The following NDUFS1 variants were observed in gnomAD, a reference collection of about 807,000 sequenced individuals.
The protein encoded by NDUFS1 is NADH-ubiquinone oxidoreductase 75 kDa subunit, mitochondrial.
In NDUFS1, 61 loss-of-function variants were observed where a neutral mutation model predicts 84.4. The ratio of observed to expected loss-of-function variants is 0.72; its 90% confidence interval spans 0.59 to 0.89. The LOEUF (loss-of-function observed/expected upper bound fraction) is 0.89, where lower values mean the gene tolerates loss of function less well. NDUFS1 is among the 40% of genes least tolerant of loss of function. The probability of loss-of-function intolerance (pLI) is 0.00; values close to 1 mark genes in which losing one functional copy is unlikely to be tolerated. For synonymous variants in NDUFS1, 275 were observed against 290.0 expected, an observed-to-expected ratio of 0.95 and a Z score of 0.53; for missense variants, 891 against 890.0, an observed-to-expected ratio of 1.00 and a Z score of -0.01.
chr2:206,116,101 G>A lies in NDUFS1; in HGVS notation c.*8084C>T. 5 of 1,262,352 alleles carry A rather than the reference G, an allele frequency of 4.0e-6. No homozygotes were observed. The Admixed American group carries it at 6.7e-5, about 17-fold the overall frequency. 78.2% of individuals were successfully genotyped at this position (1,262,352 alleles called of 1,614,324 possible). On this transcript the variant is annotated 3_prime_UTR_variant, in exon 19 of 19. Coordinates refer to ENST00000233190, the MANE Select transcript of NDUFS1 (RefSeq NM_005006.7). ...TTATTTCATACTAGCTTATTTAGTGGTTCCATTTTCACTCCTCAATAGATT... is the reference window on the plus strand; with the variant it reads ...TTATTTCATACTAGCTTATTTAGTGATTCCATTTTCACTCCTCAATAGATT...
chr2:206,148,859 T>C (rs946144340), intron 5 of NDUFS1, among the ~76,000 whole-genome samples, 161 bp downstream of exon 5: 19 of 152,172 alleles, frequency 1.2e-4, no homozygotes, highest in African/African-American at 4.1e-4. Context: ...GACTTCACCT[T>C]CTCTACTATG....
chr2:206,159,073 GGGAA>G (rs1470299941), intron 1 of NDUFS1: 2 of 1,535,360 alleles, frequency 1.3e-6, no homozygotes, highest in Non-Finnish European at 1.7e-6. Flanking sequence ...TCCCTGCAGA[GGGAA>G]GGTCACCTGC....
chr2:206,131,027 G>T (rs1025218045), intron 14 of NDUFS1, among the ~76,000 whole-genome samples: 1 of 152,114 alleles, frequency 6.6e-6, no homozygotes, highest in African/African-American at 2.4e-5. Context: ...ACTCTTATAA[G>T]CACAAAATAA....
intron 3 of NDUFS1, among the ~76,000 whole-genome samples, chr2:206,151,564 A>G (rs1389825721): frequency 6.6e-6 from 1 of 152,232 alleles, no homozygotes; most frequent in Non-Finnish European, 1.5e-5. Context: ...ACTGGCAGAT[A>G]GTCTAGAAAT....
intron 12 of NDUFS1, among the ~76,000 whole-genome samples, chr2:206,140,924 A>G (rs919314326): frequency 1.9e-4 from 18 of 95,410 alleles, no homozygotes; most frequent in South Asian, 3.3e-4. Context: ...TGTAGTGTGT[A>G]TATATATATA....
chr2:206,158,149 A>C (rs1047634125), intron 1 of NDUFS1, among the ~76,000 whole-genome samples: 2 of 151,866 alleles, frequency 1.3e-5, no homozygotes, highest in South Asian at 2.1e-4. Context: ...TTTTTAGTAG[A>C]GACAGGGTTT....
At position 206,150,067 on chromosome 2, in the gene NDUFS1, A is replaced by G. The variant is rs539781979; in HGVS notation, c.154-142T>C. ...TATCTATCTATCTTAATTCATTCTTATTTCAGTCCCTTTCTTTGCCTTTGA... is the reference window on the plus strand; with the variant it reads ...TATCTATCTATCTTAATTCATTCTTGTTTCAGTCCCTTTCTTTGCCTTTGA... On this transcript the variant is annotated intron_variant, in intron 3 of 18. Transcript: ENST00000233190. 1.9e-5 allele frequency: 10 copies of G among 533,086 alleles called. No individual in the cohort carries two copies. The African/African-American group carries it at 2.3e-4, about 12-fold the overall frequency. The allele number at this position is 533,086 out of a possible 1,614,324, so 33.0% of individuals were successfully genotyped here. A position where few individuals can be genotyped will look rare whatever the true frequency, so the allele number is the denominator to read the frequency against.
At chr2:206,152,372 T>TA in intron 3 of NDUFS1, 47 bp downstream of exon 3, 4 of 1,451,638 alleles carry the variant, frequency 2.8e-6, no homozygotes, top group African/African-American at 1.4e-5. Context: ...TTAGTATTTT[T>TA]AAAAAAATCA....
At chr2:206,142,633 C>T in intron 11 of NDUFS1, 53 bp downstream of exon 11, 1 of 1,607,320 alleles carries the variant, frequency 6.2e-7, no homozygotes, top group South Asian at 1.1e-5. Flanking sequence ...TTATACATAA[C>T]TTGTAACTAA....
Position 206,146,982 on chromosome 2 carries a change from C to T in NDUFS1, c.658G>A (p.Gly220Arg), listed in dbSNP as rs745378310. The T allele has an allele frequency of 6.2e-7, 1 of 1,613,946 alleles. No homozygotes were observed. Among genetic ancestry groups the T allele is most frequent in the African/African-American group, 1.3e-5 (1 of 74,912 alleles). ...IEKMFMSELSGNIIDICPVGA... is the reference protein window; with the variant it reads ...IEKMFMSELSRNIIDICPVGA... ...ACAGGGCAGATATCAATGATATTCC[C>T]AGACAGTTCAGACATGAACATCTTT... Residue 220 changes from glycine (G) to arginine (R), a missense_variant, in exon 8 of 19, where the codon GGG (glycine) becomes AGG (arginine). By Grantham distance (125) the Gly-to-Arg change is moderately radical. Transcript: ENST00000233190.
chr2:206,137,283 G>A (rs1213308352), intron 13 of NDUFS1, among the ~76,000 whole-genome samples: 1 of 152,058 alleles, frequency 6.6e-6, no homozygotes, highest in African/African-American at 2.4e-5. Flanking sequence ...AGACCAGCCT[G>A]GCCAATATGG....
Position 206,130,250 on chromosome 2 carries a change from G to T in NDUFS1, c.1554-8C>A. 1.2e-6 allele frequency: 2 copies of T among 1,614,026 alleles called. No homozygotes were observed. The highest frequency in any genetic ancestry group is 1.7e-6 in the Non-Finnish European group (2 of 1,179,982). On this transcript the variant is annotated splice_region_variant and splice_polypyrimidine_tract_variant and intron_variant, in intron 14 of 18. Transcript: ENST00000233190. ...GCTACTTGACTTGCAATCCTGCAAA[G>T]CAATTATGGAATTTTACCATAACTG...
At chr2:206,145,987 ATT>A (rs1258785367) in intron 8 of NDUFS1, among the ~76,000 whole-genome samples, 1 of 152,190 alleles carries the variant, frequency 6.6e-6, no homozygotes, top group African/African-American at 2.4e-5. Context: ...AGCTCAACCT[ATT>A]CATAAACTCC....
chr2:206,154,489 G>A (rs1391574240), intron 1 of NDUFS1, among the ~76,000 whole-genome samples: 1 of 152,236 alleles, frequency 6.6e-6, no homozygotes, highest in Non-Finnish European at 1.5e-5. Flanking sequence ...TATCCAAAGT[G>A]TCAACAGTGC....
Position 206,119,217 on chromosome 2 carries a change from T to C in NDUFS1, c.*4968A>G, listed in dbSNP as rs1465849195. On this transcript the variant is annotated 3_prime_UTR_variant, in exon 19 of 19. Transcript: ENST00000233190. ...CTCAGTTAGCACATGGGGCATTTAG[T>C]ATATGTCAGGAAACAGGCCTAAGGT... The C allele has an allele frequency of 1.3e-5, 2 of 152,288 alleles. No homozygotes were observed. Among genetic ancestry groups the C allele is most frequent in the African/African-American group, 4.8e-5 (2 of 41,576 alleles). 9.4% of individuals were successfully genotyped at this position (152,288 alleles called of 1,614,324 possible).
chr2:206,152,616 A>T (rs904990153), intron 2 of NDUFS1, 106 bp from the exon 3 acceptor site: 2 of 915,458 alleles, frequency 2.2e-6, no homozygotes, highest in African/African-American at 3.3e-5. Flanking sequence ...TTCATTCCTT[A>T]TTATTCCTCT....
Position 206,127,948 on chromosome 2 carries a change from G to A in NDUFS1, c.1733C>T (p.Pro578Leu), listed in dbSNP as rs1407504350. 6 of 1,613,870 alleles carry A rather than the reference G, an allele frequency of 3.7e-6. No individual in the cohort carries two copies. Among genetic ancestry groups the A allele is most frequent in the Non-Finnish European group, 5.1e-6 (6 of 1,180,006 alleles). The change falls in exon 16 of 19, where the codon CCC (proline) becomes CTC (leucine). Residue 578 changes from proline (P) to leucine (L), a missense_variant. Transcript: ENST00000233190. ...YQGHHGDVGA[P>L]IADVILPGAA... Reference sequence around the variant, plus strand: ...TCCTGGGAGAATAACATCAGCTATGGGAGCCCCAACATCACCATGATGTCC... The same window carrying A: ...TCCTGGGAGAATAACATCAGCTATGAGAGCCCCAACATCACCATGATGTCC...
intron 1 of NDUFS1, among the ~76,000 whole-genome samples, chr2:206,157,766 T>G (rs935145933): frequency 1.3e-5 from 2 of 152,196 alleles, no homozygotes; most frequent in Non-Finnish European, 2.9e-5. Context: ...ATATGCCAAG[T>G]AGCAATAGAA....
chr2:206,134,485 G>C (rs1691634646), intron 13 of NDUFS1, among the ~76,000 whole-genome samples: 1 of 151,824 alleles, frequency 6.6e-6, no homozygotes, highest in Admixed American at 6.6e-5. Flanking sequence ...AATTGGCCAG[G>C]CATGGTGGTG....
Sources: gnomAD v4.1 joint callset for allele counts (sites outside exome capture counted in the v4.1 genomes callset) on GRCh38, gnomAD v4.1.1 for gene constraint, MANE v1.5 for transcripts, NCBI Gene and HGNC (gene_info 2026-07-23, HGNC 2026-07-21) for gene names.